CRYL1: variants seen among roughly 807,000 people sequenced by gnomAD.
The protein encoded by CRYL1 is crystallin lambda 1.
In CRYL1, 29 loss-of-function variants were observed where a neutral mutation model predicts 36.6. The observed-to-expected ratio is 0.79, with a 90% confidence interval of 0.59 to 1.08. The LOEUF (loss-of-function observed/expected upper bound fraction) is 1.08. Ranked by LOEUF, CRYL1 falls within the 50% of genes least tolerant of loss-of-function variation. The probability of loss-of-function intolerance (pLI) is 0.00; values close to 1 mark genes in which losing one functional copy is unlikely to be tolerated. For synonymous variants in CRYL1, 152 were observed against 151.5 expected, an observed-to-expected ratio of 1.00 and a Z score of -0.02; for missense variants, 411 against 407.9, an observed-to-expected ratio of 1.01 and a Z score of -0.06.
At chr13:20,460,605 A>G (rs1259545610) in intron 3 of CRYL1, among the ~76,000 whole-genome samples, 3 of 132,056 alleles carry the variant, frequency 2.3e-5, no homozygotes, top group East Asian at 4.8e-4. Flanking sequence ...GGCTCACTGC[A>G]AGCTCCGCCA....
At chr13:20,460,700 T>C (rs1205288606) in intron 3 of CRYL1, among the ~76,000 whole-genome samples, 7 of 151,812 alleles carry the variant, frequency 4.6e-5, no homozygotes, top group Non-Finnish European at 5.9e-5. Context: ...TAATTTTTTG[T>C]ATTTTTAGTA....
At chr13:20,459,296 C>T (rs1332275166) in intron 3 of CRYL1, among the ~76,000 whole-genome samples, 1 of 151,226 alleles carries the variant, frequency 6.6e-6, no homozygotes, top group Non-Finnish European at 1.5e-5. Flanking sequence ...GGAGATTTCT[C>T]GAAGTGCTTA....
At chr13:20,422,239 A>G (rs1014672047) in intron 5 of CRYL1, among the ~76,000 whole-genome samples, 1 of 151,928 alleles carries the variant, frequency 6.6e-6, no homozygotes, top group African/African-American at 2.4e-5. Context: ...ATGCGCCTGT[A>G]GTCCCACCCA....
At chr13:20,524,172 A>T (rs1401650681) in intron 1 of CRYL1, among the ~76,000 whole-genome samples, 1 of 152,188 alleles carries the variant, frequency 6.6e-6, no homozygotes, top group Admixed American at 6.5e-5. Context: ...GAGATCCACC[A>T]TGATAGTGCC....
At chr13:20,462,098 A>AG (rs141513062) in intron 3 of CRYL1, among the ~76,000 whole-genome samples, 77 of 7,484 alleles carry the variant, frequency 0.01, no homozygotes, top group Middle Eastern at 0.056. Flanking sequence ...GCCTGGTGAG[A>AG]GGATGGGGTG....
intron 3 of CRYL1, among the ~76,000 whole-genome samples, chr13:20,471,968 C>G (rs1313045800): frequency 6.6e-6 from 1 of 152,138 alleles, no homozygotes; most frequent in Non-Finnish European, 1.5e-5. Flanking sequence ...TCAAGCAATT[C>G]TCTTGCCTTA....
intron 4 of CRYL1, 101 bp from the exon 5 acceptor site, chr13:20,432,397 A>G: frequency 1.3e-6 from 1 of 747,952 alleles, no homozygotes; most frequent in Non-Finnish European, 2.1e-6. Flanking sequence ...CATCTTTGGA[A>G]TGGTGCCTTT....
intron 5 of CRYL1, among the ~76,000 whole-genome samples, chr13:20,423,102 A>C (rs1426863935): frequency 1.3e-5 from 2 of 152,208 alleles, no homozygotes; most frequent in African/African-American, 4.8e-5. Flanking sequence ...TAGTGTATAG[A>C]AATGCTACCG....
chr13:20,454,603 T>C (rs894168543), intron 3 of CRYL1, among the ~76,000 whole-genome samples: 5 of 152,112 alleles, frequency 3.3e-5, no homozygotes, highest in Admixed American at 3.3e-4. Flanking sequence ...GTATTTTTAG[T>C]AGAGACGGGG....
intron 6 of CRYL1, among the ~76,000 whole-genome samples, chr13:20,412,580 A>G (rs980792658): frequency 5.9e-5 from 9 of 152,180 alleles, no homozygotes; most frequent in African/African-American, 1.9e-4. Context: ...TTAATTTGCT[A>G]TAGGTTTTAT....
chr13:20,458,023 C>CA (rs1176494192), intron 3 of CRYL1, among the ~76,000 whole-genome samples: 3 of 152,146 alleles, frequency 2.0e-5, no homozygotes, highest in Non-Finnish European at 2.9e-5. Flanking sequence ...ACAGAGTTAT[C>CA]AAAAAAATTG....
At chr13:20,408,600 A>T (rs2031440741) in intron 6 of CRYL1, among the ~76,000 whole-genome samples, 1 of 152,066 alleles carries the variant, frequency 6.6e-6, no homozygotes, top group African/African-American at 2.4e-5. Context: ...CCATAGCAAA[A>T]ATCCTAATCT....
At chr13:20,423,603 G>A (rs2031867125) in intron 5 of CRYL1, among the ~76,000 whole-genome samples, 1 of 151,956 alleles carries the variant, frequency 6.6e-6, no homozygotes, top group South Asian at 2.1e-4. Context: ...ACCCTGTGAT[G>A]AATTCCCCTT....
intron 3 of CRYL1, among the ~76,000 whole-genome samples, chr13:20,463,105 C>A (rs1288560800): frequency 6.6e-6 from 1 of 152,178 alleles, no homozygotes; most frequent in East Asian, 1.9e-4. Flanking sequence ...AGTGTGGACG[C>A]CTGCTGGCCT....
chr13:20,518,404 G>A (rs1336402815), intron 1 of CRYL1, among the ~76,000 whole-genome samples: 4 of 152,116 alleles, frequency 2.6e-5, no homozygotes, highest in Non-Finnish European at 5.9e-5. Context: ...TGCGACAAGT[G>A]TTCCTCAAAG....
intron 2 of CRYL1, among the ~76,000 whole-genome samples, chr13:20,509,103 C>T (rs1405011190): frequency 1.3e-5 from 2 of 149,570 alleles, no homozygotes; most frequent in Non-Finnish European, 3.0e-5. Flanking sequence ...CCGAGACAGG[C>T]GAATTGCTTG....
intron 4 of CRYL1, among the ~76,000 whole-genome samples, chr13:20,438,211 T>A (rs1449563071): frequency 2.0e-5 from 3 of 152,130 alleles, no homozygotes. Context: ...TCTTAGCACA[T>A]AAAACCTGGT....
At position 20,404,239 on chromosome 13, in the gene CRYL1, T is replaced by G; in HGVS notation, c.850A>C (p.Met284Leu). 3 of 1,599,304 alleles carry G rather than the reference T, an allele frequency of 1.9e-6. No individual in the cohort carries two copies. The highest frequency in any genetic ancestry group is 1.7e-6 in the Non-Finnish European group (2 of 1,166,966). ...GGGTCATCAGGGACCTTCATGCACATGTCCTGCAAGAAGGAGAAGGAAAAA... is the reference window on the plus strand; with the variant it reads ...GGGTCATCAGGGACCTTCATGCACAGGTCCTGCAAGAAGGAGAAGGAAAAA... Reference protein sequence around the residue: ...RATAEKVNQDMCMKVPDDPEH... With the variant: ...RATAEKVNQDLCMKVPDDPEH... The change falls in exon 8 of 8, where the codon ATG (methionine) becomes CTG (leucine). Residue 284 changes from methionine (M) to leucine (L), a missense_variant. Coordinates refer to ENST00000298248, the MANE Select transcript of CRYL1 (RefSeq NM_015974.3).
chr13:20,525,327 A>G lies in CRYL1; in HGVS notation c.41+427T>C, dbSNP rs192583892. On this transcript the variant is annotated intron_variant, in intron 1 of 7. Transcript: ENST00000298248. The surrounding 1 kb of genome is among the most constrained non-coding windows in gnomAD (Gnocchi z 4.3). Reference sequence around the variant, plus strand: ...GACCTTAGGTAAACTGCTTAGTCTCAGTATTCTCATTCGTAAAATGGGGAT... The same window carrying G: ...GACCTTAGGTAAACTGCTTAGTCTCGGTATTCTCATTCGTAAAATGGGGAT... Among the ~76,000 whole-genome samples, 1 of 152,366 alleles carries G rather than the reference A, an allele frequency of 6.6e-6. No homozygotes were observed. Among genetic ancestry groups the G allele is most frequent in the South Asian group, 2.1e-4 (1 of 4,832 alleles).
Sources: allele counts gnomAD v4.1 joint callset (sites outside exome capture counted in the v4.1 genomes callset), GRCh38; gene constraint gnomAD v4.1.1; non-coding constraint Gnocchi (gnomAD v3.1); transcripts MANE v1.5; gene names NCBI Gene and HGNC (gene_info 2026-07-23, HGNC 2026-07-21).